The following LINGO2 variants were observed in gnomAD, a reference collection of about 807,000 sequenced individuals.
The protein encoded by LINGO2 is leucine-rich repeat and immunoglobulin-like domain-containing nogo receptor-interacting protein 2.
Under a neutral mutation model 30.6 loss-of-function variants are expected in LINGO2, and 14 were observed. The observed-to-expected ratio is 0.46, with a 90% CI of 0.30 to 0.72. The LOEUF is 0.72. Among genes scored for constraint, LINGO2 ranks in the 30% least tolerant of loss-of-function variants. The pLI is 0.07. For missense variants in LINGO2, 729 were observed against 751.7 expected (o/e 0.97, Z 0.35); for synonymous variants, 317 against 288.5 (o/e 1.10, Z -1.00).
intron 4 of LINGO2, among the ~76,000 whole-genome samples, chr9:28,157,973 T>G (rs1828182156): frequency 6.6e-6 from 1 of 152,252 alleles, no homozygotes; most frequent in Non-Finnish European, 1.5e-5. Flanking sequence ...TGTCTTCTTC[T>G]GAGTCCTCCA....
chr9:28,459,956 A>G (rs949805219), intron 2 of LINGO2, among the ~76,000 whole-genome samples: 4 of 152,160 alleles, frequency 2.6e-5, no homozygotes, highest in African/African-American at 9.6e-5. Flanking sequence ...AATTATTTTA[A>G]TAAGGTATAT....
At chr9:28,194,311 TG>T in intron 4 of LINGO2, among the ~76,000 whole-genome samples, 1 of 152,202 alleles carries the variant, frequency 6.6e-6, no homozygotes, top group African/African-American at 2.4e-5. Context: ...AACAAACCTA[TG>T]GGCCAAGCAC....
At chr9:28,574,524 T>C (rs1240381438) in intron 1 of LINGO2, among the ~76,000 whole-genome samples, 1 of 152,190 alleles carries the variant, frequency 6.6e-6, no homozygotes, top group Non-Finnish European at 1.5e-5. Flanking sequence ...ATGTTTTTAG[T>C]ACATAGTTAT....
At chr9:28,589,864 G>GA (rs1212046263) in intron 1 of LINGO2, among the ~76,000 whole-genome samples, 1 of 151,954 alleles carries the variant, frequency 6.6e-6, no homozygotes, top group Non-Finnish European at 1.5e-5. Context: ...AGCCAAAAAA[G>GA]AAAAAAGCTG....
chr9:28,224,387 T>C (rs1020346971), intron 4 of LINGO2, among the ~76,000 whole-genome samples: 2 of 152,168 alleles, frequency 1.3e-5, no homozygotes, highest in Non-Finnish European at 2.9e-5. Context: ...TGTTACATAA[T>C]AGATGTACAT....
the LINGO2 span, among the ~76,000 whole-genome samples, chr9:28,948,123 G>A: frequency 1.5e-3 from 229 of 152,002 alleles, no homozygotes; most frequent in African/African-American, 5.3e-3. Flanking sequence ...TTTATTATAT[G>A]TGTTTTCATA....
chr9:28,500,979 A>G (rs945029518), intron 1 of LINGO2, among the ~76,000 whole-genome samples: 1 of 152,198 alleles, frequency 6.6e-6, no homozygotes, highest in Non-Finnish European at 1.5e-5. Flanking sequence ...CCCTGATCTC[A>G]TACACAGGAA....
the LINGO2 span, among the ~76,000 whole-genome samples, chr9:29,075,716 G>C: frequency 6.6e-6 from 1 of 152,046 alleles, no homozygotes; most frequent in Non-Finnish European, 1.5e-5. Flanking sequence ...GCTTCGAAGA[G>C]ACAAGGGCCA....
At chr9:28,211,333 T>C (rs2133859825) in intron 4 of LINGO2, among the ~76,000 whole-genome samples, 1 of 151,122 alleles carries the variant, frequency 6.6e-6, no homozygotes, top group South Asian at 2.1e-4. Flanking sequence ...TCCCTGCCAT[T>C]GAGTTATAAA....
intron 4 of LINGO2, among the ~76,000 whole-genome samples, chr9:28,276,304 T>C (rs992063651): frequency 6.6e-6 from 1 of 152,200 alleles, no homozygotes; most frequent in African/African-American, 2.4e-5. Flanking sequence ...GCCTCCCATA[T>C]GGACCACACA....
chr9:28,325,839 C>T (rs924248160), intron 3 of LINGO2, among the ~76,000 whole-genome samples: 13 of 152,090 alleles, frequency 8.5e-5, no homozygotes, highest in African/African-American at 3.1e-4. Context: ...TAGTACCCTC[C>T]AGTACTATCC....
chr9:29,188,076 G>T, the LINGO2 span, among the ~76,000 whole-genome samples: 1 of 111,766 alleles, frequency 8.9e-6, no homozygotes, highest in Admixed American at 1.1e-4. Flanking sequence ...AGGGGGATTT[G>T]ACAGGGTCAT....
chr9:27,973,761 G>T (rs1820463433), intron 5 of LINGO2, among the ~76,000 whole-genome samples: 3 of 152,006 alleles, frequency 2.0e-5, no homozygotes, highest in South Asian at 4.1e-4. Context: ...GCCATTGCGA[G>T]AAAAAAATGT....
chr9:28,061,096 GT>G (rs1825130046), intron 4 of LINGO2, among the ~76,000 whole-genome samples: 1 of 151,016 alleles, frequency 6.6e-6, no homozygotes, highest in Admixed American at 6.6e-5. Flanking sequence ...ATTTGTTATG[GT>G]TATTTTTCAA....
the LINGO2 span, among the ~76,000 whole-genome samples, chr9:29,050,397 GT>G: frequency 3.9e-5 from 6 of 152,268 alleles, no homozygotes; most frequent in African/African-American, 1.2e-4. Flanking sequence ...CGTCTGCTAT[GT>G]ATCCACAAAT....
At chr9:28,506,492 A>G (rs1820138272) in intron 1 of LINGO2, among the ~76,000 whole-genome samples, 1 of 113,230 alleles carries the variant, frequency 8.8e-6, no homozygotes, top group African/African-American at 3.1e-5. Flanking sequence ...ACACATACAC[A>G]CACACACACA....
intron 5 of LINGO2, among the ~76,000 whole-genome samples, chr9:27,953,565 G>C (rs755614342): frequency 2.0e-5 from 3 of 151,946 alleles, no homozygotes; most frequent in Non-Finnish European, 4.4e-5. Flanking sequence ...TCCCCATGCT[G>C]CTGTTCTTGT....
At chr9:28,117,481 T>A (rs1364509799) in intron 4 of LINGO2, among the ~76,000 whole-genome samples, 1 of 96,308 alleles carries the variant, frequency 1.0e-5, no homozygotes, top group African/African-American at 4.1e-5. Flanking sequence ...TAAGCAAGCC[T>A]GGGCAATGGC....
At chr9:29,074,125 C>T in the LINGO2 span, among the ~76,000 whole-genome samples, 1 of 151,754 alleles carries the variant, frequency 6.6e-6, no homozygotes, top group African/African-American at 2.4e-5. Context: ...TTTTATTATC[C>T]AAGTAGCCTT....
Sources: allele counts gnomAD v4.1 joint callset (sites outside exome capture counted in the v4.1 genomes callset), GRCh38; gene constraint gnomAD v4.1.1; transcripts MANE v1.5; gene names NCBI Gene and HGNC (gene_info 2026-07-23, HGNC 2026-07-21).